Variants in TTLL7 observed in about 807,000 individuals in gnomAD.
TTLL7 encodes tubulin polyglutamylase TTLL7.
TTLL7 carries 53 observed loss-of-function variants against 120.2 expected under a neutral mutation model. The ratio of observed to expected loss-of-function variants is 0.44; its 90% CI spans 0.35 to 0.55. TTLL7 has a LOEUF of 0.55. TTLL7 is among the 20% of genes least tolerant of loss of function. The pLI, the probability that TTLL7 is intolerant of heterozygous loss-of-function variation, is 0.00. For synonymous variants in TTLL7, 353 were observed against 351.7 expected, an observed-to-expected ratio of 1.00 and a Z score of -0.04; for missense variants, 803 against 1,054.7, an observed-to-expected ratio of 0.76 and a Z score of 3.31.
At chr1:83,872,961 G>A (rs1007795653) in intron 20 of TTLL7, among the ~76,000 whole-genome samples, 6 of 152,112 alleles carry the variant, frequency 3.9e-5, no homozygotes, top group African/African-American at 1.4e-4. Context: ...AATCCATACA[G>A]GCTAGCTCCA....
At chr1:83,892,841 C>CATATATATGAACAA (rs1279474746) in intron 18 of TTLL7, among the ~76,000 whole-genome samples, 5 of 143,926 alleles carry the variant, frequency 3.5e-5, no homozygotes, top group East Asian at 2.0e-4. Flanking sequence ...TATATGAACA[C>CATATATATGAACAA]ATATATGAGT....
chr1:83,937,160 A>G (rs1486795153), intron 8 of TTLL7, among the ~76,000 whole-genome samples: 3 of 151,948 alleles, frequency 2.0e-5, no homozygotes, highest in Non-Finnish European at 2.9e-5. Flanking sequence ...TAGATATACA[A>G]TCTTTACCAT....
At chr1:83,884,048 G>C (rs111298415) in intron 19 of TTLL7, among the ~76,000 whole-genome samples, 1 of 151,934 alleles carries the variant, frequency 6.6e-6, no homozygotes, top group African/African-American at 2.4e-5. Context: ...GTGTGTATGT[G>C]TGTGTGTGTT....
intron 1 of TTLL7, among the ~76,000 whole-genome samples, chr1:83,959,577 A>AC (rs557822590): frequency 5.9e-5 from 9 of 152,162 alleles, no homozygotes; most frequent in Admixed American, 1.3e-4. Flanking sequence ...TAGACAGTTT[A>AC]CCCCCCTTGT....
chr1:83,892,870 A>ATG (rs1571088545), intron 18 of TTLL7, among the ~76,000 whole-genome samples: 1 of 141,852 alleles, frequency 7.0e-6, no homozygotes, highest in South Asian at 2.3e-4. Flanking sequence ...GAATATATAT[A>ATG]AAGAAAAGAG....
At position 83,990,167 on chromosome 1, in the gene TTLL7, CT is replaced by C. The variant is rs35374044; in HGVS notation, c.-177+8763del. ...ATGATTTGACTTCTTATTTGGATGC[CT>C]TTTTTTTTTTTTTTTTTTGAGACGG... On this transcript the variant is annotated intron_variant, in intron 1 of 20. Coordinates refer to ENST00000260505, the MANE Select transcript of TTLL7 (RefSeq NM_024686.6). Among the ~76,000 whole-genome samples, 834 of 116,902 alleles carry C rather than the reference CT, an allele frequency of 7.1e-3. 5 individuals are homozygous for C. Among genetic ancestry groups the C allele is most frequent in the African/African-American group, 0.022 (679 of 30,554 alleles). The allele number at this position is 116,902 out of a possible 152,430, so 76.7% of individuals were successfully genotyped here. A position where few individuals can be genotyped will look rare whatever the true frequency, so the allele number is the denominator to read the frequency against.
At chr1:83,996,607 C>A (rs150521911) in intron 1 of TTLL7, among the ~76,000 whole-genome samples, 377 of 152,282 alleles carry the variant, frequency 2.5e-3, no homozygotes, top group African/African-American at 8.7e-3. Context: ...CTGCACCACC[C>A]TTTTCTGGTA....
At chr1:83,938,452 A>C (rs1350632522) in intron 7 of TTLL7, among the ~76,000 whole-genome samples, 1 of 152,200 alleles carries the variant, frequency 6.6e-6, no homozygotes, top group East Asian at 1.9e-4. Context: ...TTCAAAGAAA[A>C]ATAAAAAATG....
intron 20 of TTLL7, among the ~76,000 whole-genome samples, chr1:83,870,510 G>A (rs1415488751): frequency 1.3e-5 from 2 of 152,078 alleles, no homozygotes; most frequent in African/African-American, 2.4e-5. Context: ...GATCATTAAC[G>A]TATTATTACT....
intron 9 of TTLL7, among the ~76,000 whole-genome samples, chr1:83,932,063 T>G (rs560993354): frequency 6.6e-6 from 1 of 152,278 alleles, no homozygotes; most frequent in African/African-American, 2.4e-5. Flanking sequence ...TGAAGAAACA[T>G]TCATGCAAAC....
intron 20 of TTLL7, 83 bp downstream of exon 20, chr1:83,882,880 C>CA (rs1654639304): frequency 4.0e-6 from 6 of 1,501,384 alleles, no homozygotes; most frequent in Admixed American, 4.3e-5. Flanking sequence ...GTCACATAAA[C>CA]AAAAAAACAC....
At chr1:83,878,968 T>C (rs948537920) in intron 20 of TTLL7, among the ~76,000 whole-genome samples, 1 of 151,818 alleles carries the variant, frequency 6.6e-6, no homozygotes, top group African/African-American at 2.4e-5. Context: ...CTATTTTCTA[T>C]CTGTTTTAAT....
chr1:83,992,433 T>C (rs1653084859), intron 1 of TTLL7, among the ~76,000 whole-genome samples: 1 of 127,960 alleles, frequency 7.8e-6, no homozygotes, highest in Non-Finnish European at 1.8e-5. Flanking sequence ...TTTCCTCAAA[T>C]ACTCTAAAGA....
intron 20 of TTLL7, chr1:83,879,946 A>G (rs1654297425): frequency 6.6e-6 from 1 of 152,032 alleles, no homozygotes; most frequent in Admixed American, 6.6e-5. Context: ...TACCCACAAA[A>G]GCTACAAGAT....
intron 1 of TTLL7, among the ~76,000 whole-genome samples, chr1:83,967,104 T>A (rs1218843433): frequency 6.6e-6 from 1 of 152,114 alleles, no homozygotes; most frequent in Non-Finnish European, 1.5e-5. Flanking sequence ...TCTTTCAACA[T>A]GTATAAAATA....
intron 1 of TTLL7, among the ~76,000 whole-genome samples, chr1:83,965,327 T>C (rs1650356732): frequency 1.3e-5 from 2 of 152,048 alleles, no homozygotes; most frequent in African/African-American, 4.8e-5. Context: ...GTGAGTGAGT[T>C]CTCACGAAAT....
intron 1 of TTLL7, among the ~76,000 whole-genome samples, chr1:83,966,948 G>A (rs1650514201): frequency 6.6e-6 from 1 of 152,026 alleles, no homozygotes; most frequent in Non-Finnish European, 1.5e-5. Flanking sequence ...AGACAATGAG[G>A]GCTGAATCAA....
At chr1:83,892,719 T>TAAATGTGAACACATATATATGAGCAC (rs1557567932) in intron 18 of TTLL7, among the ~76,000 whole-genome samples, 1 of 39,806 alleles carries the variant, frequency 2.5e-5, no homozygotes, top group Non-Finnish European at 4.8e-5. Flanking sequence ...TATGAACATA[T>TAAATGTGAACACATATATATGAGCAC]ATATGTGAAC....
intron 19 of TTLL7, among the ~76,000 whole-genome samples, chr1:83,886,042 A>G (rs1435227168): frequency 3.9e-5 from 6 of 152,030 alleles, no homozygotes; most frequent in Non-Finnish European, 7.4e-5. Context: ...ACTTTAAATG[A>G]CTTTTTTAAG....
Sources: gnomAD v4.1 joint callset for allele counts (sites outside exome capture counted in the v4.1 genomes callset) on GRCh38, gnomAD v4.1.1 for gene constraint, MANE v1.5 for transcripts, NCBI Gene and HGNC (gene_info 2026-07-23, HGNC 2026-07-21) for gene names.